NXN: variants seen among roughly 807,000 people sequenced by gnomAD.
NXN encodes the protein nucleoredoxin.
NXN carries 16 observed loss-of-function variants against 48.6 expected under a neutral mutation model. That is an observed-to-expected ratio of 0.33 (90% confidence interval 0.22 to 0.50). NXN has a LOEUF of 0.50. Ranked by LOEUF, NXN falls within the 20% of genes least tolerant of loss-of-function variation. NXN has a pLI of 0.98. For synonymous variants in NXN, 281 were observed against 269.6 expected (o/e 1.04, Z -0.41); for missense variants, 492 against 605.5 (o/e 0.81, Z 1.97).
intron 1 of NXN, among the ~76,000 whole-genome samples, chr17:846,237 G>A (rs1157767126): frequency 6.6e-6 from 1 of 151,768 alleles, no homozygotes; most frequent in Non-Finnish European, 1.5e-5. Flanking sequence ...GACCAGCCTG[G>A]CCAAGACAAC....
At chr17:884,238 A>ATAAATAAATAAATAAATAAG (rs1206494875) in intron 1 of NXN, among the ~76,000 whole-genome samples, 60 of 145,432 alleles carry the variant, frequency 4.1e-4, no homozygotes, top group African/African-American at 1.4e-3. Context: ...AAATAAATAA[A>ATAAATAAATAAATAAATAAG]TAAATAAATA....
chr17:901,317 C>T (rs1597226526), intron 1 of NXN, among the ~76,000 whole-genome samples: 1 of 152,310 alleles, frequency 6.6e-6, no homozygotes, highest in Admixed American at 6.5e-5. Flanking sequence ...ATGATCTCTA[C>T]ATGAAATGGA....
At chr17:969,367 T>C (rs1345551419) in intron 1 of NXN, among the ~76,000 whole-genome samples, 2 of 152,208 alleles carry the variant, frequency 1.3e-5, no homozygotes, top group Non-Finnish European at 2.9e-5. Context: ...GATCTGGATT[T>C]CCAGTCTATA....
intron 1 of NXN, among the ~76,000 whole-genome samples, chr17:975,654 T>C (rs916380944): frequency 6.6e-6 from 1 of 152,208 alleles, no homozygotes. Flanking sequence ...AGGAAGCCAG[T>C]GGTCTGCACC....
At chr17:944,100 G>A (rs2032606200) in intron 1 of NXN, among the ~76,000 whole-genome samples, 1 of 151,422 alleles carries the variant, frequency 6.6e-6, no homozygotes, top group African/African-American at 2.4e-5. Context: ...TTAGCTGGGT[G>A]TGGTGACGGG....
rs1045860452 is a variant in NXN at position 800,334 on chromosome 17, A to G, written c.*615T>C. 6.6e-6 allele frequency: 1 copy of G among 152,218 alleles called. No individual in the cohort carries two copies. Among genetic ancestry groups the G allele is most frequent in the Admixed American group, 6.5e-5 (1 of 15,280 alleles). The allele number at this position is 152,218 out of a possible 1,614,324, so 9.4% of individuals were successfully genotyped here. A position where few individuals can be genotyped will look rare whatever the true frequency, so the allele number is the denominator to read the frequency against. On this transcript the variant is annotated 3_prime_UTR_variant, in exon 8 of 8. Transcript: ENST00000336868. ...CAGGATCGTGGGAGCTGTTTGTATG[A>G]TATGAACCATTACCTTAGCTACATT...
At chr17:904,587 G>T (rs28674796) in intron 1 of NXN, among the ~76,000 whole-genome samples, 2 of 152,038 alleles carry the variant, frequency 1.3e-5, no homozygotes, top group East Asian at 3.9e-4. Flanking sequence ...TCTGTCACCC[G>T]GGCTGGGGTG....
intron 1 of NXN, among the ~76,000 whole-genome samples, chr17:900,946 T>C (rs2068532157): frequency 7.0e-6 from 1 of 142,426 alleles, no homozygotes; most frequent in Non-Finnish European, 1.5e-5. Context: ...TTGGATGGAG[T>C]TTAAGCTCTT....
chr17:972,705 C>G (rs2069400654), intron 1 of NXN, among the ~76,000 whole-genome samples: 3 of 152,140 alleles, frequency 2.0e-5, no homozygotes, highest in Admixed American at 1.3e-4. Context: ...CACATTACAA[C>G]ACCTTCCCAA....
At chr17:835,123 A>G (rs957319116) in intron 1 of NXN, among the ~76,000 whole-genome samples, 2 of 150,904 alleles carry the variant, frequency 1.3e-5, no homozygotes, top group African/African-American at 2.4e-5. Context: ...CCTGGCTAAC[A>G]TGGTGAAACC....
In NXN at chr17:837,149, TTGA is replaced by T. The variant is rs138335686; in HGVS notation, c.361-11074_361-11072del. On this transcript the variant is annotated intron_variant, in intron 1 of 7. Coordinates refer to ENST00000336868, the MANE Select transcript of NXN (RefSeq NM_022463.5). ...CACACCACCATGCCTCACTAATTTT[TTGA>T]TGTTTTGTGGCAACAGCGTCTCGCT... Among the ~76,000 whole-genome samples the T allele has an allele frequency of 3.0e-3, 457 of 152,268 alleles. 2 individuals carry two copies. The highest frequency in any genetic ancestry group is 9.7e-3 in the African/African-American group (405 of 41,558).
intron 1 of NXN, among the ~76,000 whole-genome samples, chr17:887,692 C>T (rs1247741769): frequency 2.6e-5 from 4 of 152,114 alleles, no homozygotes; most frequent in Non-Finnish European, 5.9e-5. Flanking sequence ...CCATTCGCTC[C>T]ATGTCAGTGA....
chr17:808,116 T>C (rs780407783), intron 5 of NXN, among the ~76,000 whole-genome samples: 9 of 152,044 alleles, frequency 5.9e-5, no homozygotes, highest in Non-Finnish European at 8.8e-5. Flanking sequence ...GCTTCTGGGG[T>C]CCTCACAGCA....
chr17:804,940 G>A (rs567529986), intron 6 of NXN, 128 bp downstream of exon 6: 31 of 998,948 alleles, frequency 3.1e-5, no homozygotes, highest in Admixed American at 9.1e-5. Flanking sequence ...GCTTCAGGGA[G>A]AGACAAAGGC....
intron 1 of NXN, among the ~76,000 whole-genome samples, chr17:826,615 AGG>A (rs1913117686): frequency 6.6e-6 from 1 of 152,208 alleles, no homozygotes; most frequent in Non-Finnish European, 1.5e-5. Context: ...CTTCCCCTCA[AGG>A]GAGAAGAGAC....
chr17:823,537 C>T, intron 3 of NXN, 95 bp downstream of exon 3: 1 of 1,443,778 alleles, frequency 6.9e-7, no homozygotes, highest in Non-Finnish European at 9.5e-7. Context: ...AAATTCCTGC[C>T]TGGGTGTCTC....
In NXN at chr17:830,507, C is replaced by T. The variant is rs1199099571; in HGVS notation, c.361-4429G>A. Among the ~76,000 whole-genome samples, 2 of 152,102 alleles carry T rather than the reference C, an allele frequency of 1.3e-5. No homozygotes were observed. Among genetic ancestry groups the T allele is most frequent in the East Asian group, 1.9e-4 (1 of 5,182 alleles). On this transcript the variant is annotated intron_variant, in intron 1 of 7. Transcript: ENST00000336868. The surrounding 1 kb of genome is among the most constrained non-coding windows in gnomAD (Gnocchi z 4.2). ...AAGGAAATGGAACAAGCCACAGGCA[C>T]GCCGCGGGAGGCCACCTGAGGCCCA...
chr17:955,447 G>A (rs1018952554), intron 1 of NXN, among the ~76,000 whole-genome samples: 3 of 150,674 alleles, frequency 2.0e-5, no homozygotes, highest in Non-Finnish European at 3.0e-5. Flanking sequence ...TGGGATTACA[G>A]GCATGAGACA....
Position 958,225 on chromosome 17 carries a change from G to A in NXN, c.360+21094C>T, listed in dbSNP as rs975563701. ...TTCCAGAAGGCTTTTCTTGCAGGAG[G>A]TGGCTGCCAGCTTGTCCCTTCCCCG... On this transcript the variant is annotated intron_variant, in intron 1 of 7. Coordinates refer to ENST00000336868, the MANE Select transcript of NXN (RefSeq NM_022463.5). This position sits in a 1 kb window ranked among gnomAD's most constrained non-coding sequence, Gnocchi z 6.9. Among the ~76,000 whole-genome samples the A allele has an allele frequency of 6.6e-6, 1 of 152,186 alleles. No homozygotes were observed. Among genetic ancestry groups the A allele is most frequent in the African/African-American group, 2.4e-5 (1 of 41,436 alleles).
Sources: allele counts gnomAD v4.1 joint callset (sites outside exome capture counted in the v4.1 genomes callset), GRCh38; gene constraint gnomAD v4.1.1; non-coding constraint Gnocchi (gnomAD v3.1); transcripts MANE v1.5; gene names NCBI Gene and HGNC (gene_info 2026-07-23, HGNC 2026-07-21).